Variants in GREM2 observed in about 807,000 individuals in gnomAD.
GREM2 encodes gremlin-2.
In GREM2, 11 loss-of-function variants were observed where a neutral mutation model predicts 14.2. The observed-to-expected ratio is 0.78, with a 90% CI of 0.49 to 1.28. GREM2 has a LOEUF of 1.28. GREM2 is among the 50% of genes most tolerant of loss of function. The pLI, the probability that GREM2 is intolerant of heterozygous loss-of-function variation, is 0.00. For missense variants in GREM2, 210 were observed against 218.5 expected (o/e 0.96, Z 0.24); for synonymous variants, 98 against 97.6 (o/e 1.00, Z -0.02).
At chr1:240,576,116 T>C (rs1357016274) in intron 1 of GREM2, among the ~76,000 whole-genome samples, 2 of 152,112 alleles carry the variant, frequency 1.3e-5, no homozygotes, top group African/African-American at 2.4e-5. Flanking sequence ...TTGTAGAAAA[T>C]GAATTCTCTG....
chr1:240,504,948 C>T (rs10465631), intron 1 of GREM2, among the ~76,000 whole-genome samples: 2,651 of 152,106 alleles, frequency 0.017, 74 homozygotes, highest in African/African-American at 0.06. Context: ...TCTATGTCCC[C>T]GCCCCAATCT....
chr1:240,546,505 C>T (rs114259714), intron 1 of GREM2, among the ~76,000 whole-genome samples: 3,290 of 152,256 alleles, frequency 0.022, 58 homozygotes, highest in Non-Finnish European at 0.029. Flanking sequence ...TCCTCAAGGG[C>T]AAGACTTTAT....
At chr1:240,594,494 C>T (rs1036532570) in intron 1 of GREM2, among the ~76,000 whole-genome samples, 4 of 152,146 alleles carry the variant, frequency 2.6e-5, no homozygotes, top group Non-Finnish European at 5.9e-5. Flanking sequence ...GACTGAGAAA[C>T]TCAACCATTT....
chr1:240,588,042 A>G (rs2102861706), intron 1 of GREM2, among the ~76,000 whole-genome samples: 1 of 152,290 alleles, frequency 6.6e-6, no homozygotes, highest in East Asian at 1.9e-4. Flanking sequence ...GGGAGCTGGA[A>G]GTGCCTGGGA....
chr1:240,501,655 C>T (rs1294994011), intron 1 of GREM2, among the ~76,000 whole-genome samples: 1 of 149,566 alleles, frequency 6.7e-6, no homozygotes, highest in Non-Finnish European at 1.5e-5. Context: ...TGGGCTGCTT[C>T]TCTCTAGGGT....
At chr1:240,600,164 G>A (rs1679894783) in intron 1 of GREM2, among the ~76,000 whole-genome samples, 1 of 152,166 alleles carries the variant, frequency 6.6e-6, no homozygotes, top group Admixed American at 6.5e-5. Context: ...TGACAACAAG[G>A]TAGTTTGCAG....
chr1:240,565,426 T>A (rs1408182340), intron 1 of GREM2, among the ~76,000 whole-genome samples: 1 of 152,182 alleles, frequency 6.6e-6, no homozygotes, highest in Non-Finnish European at 1.5e-5. Flanking sequence ...ATAATAATAT[T>A]TTACAAATGG....
intron 1 of GREM2, among the ~76,000 whole-genome samples, chr1:240,562,154 A>C (rs1191065985): frequency 2.0e-5 from 3 of 152,182 alleles, no homozygotes; most frequent in African/African-American, 4.8e-5. Flanking sequence ...TTCGGGATGA[A>C]GTGTGTGCTT....
In GREM2 at chr1:240,489,681, G is replaced by A. The variant is rs1195743285; in HGVS notation, c.*3288C>T. The A allele has an allele frequency of 1.3e-5, 2 of 152,174 alleles. No individual in the cohort carries two copies. Among genetic ancestry groups the A allele is most frequent in the Non-Finnish European group, 2.9e-5 (2 of 68,034 alleles). The allele number at this position is 152,174 out of a possible 1,614,324, so 9.4% of individuals were successfully genotyped here. A position where few individuals can be genotyped will look rare whatever the true frequency, so the allele number is the denominator to read the frequency against. On this transcript the variant is annotated 3_prime_UTR_variant, in exon 2 of 2. Coordinates refer to ENST00000318160, the MANE Select transcript of GREM2 (RefSeq NM_022469.4). ...GCATTATTGATGACTTGGTCTTATT[G>A]TTATCATTCATGCAGACATTAATAA...
chr1:240,522,647 ACT>A (rs1678126963), intron 1 of GREM2, among the ~76,000 whole-genome samples: 1 of 152,182 alleles, frequency 6.6e-6, no homozygotes, highest in African/African-American at 2.4e-5. Flanking sequence ...ACATTTGTTA[ACT>A]TTTAGTAATT....
intron 1 of GREM2, among the ~76,000 whole-genome samples, chr1:240,561,891 T>C (rs1034307876): frequency 1.3e-5 from 2 of 152,170 alleles, no homozygotes; most frequent in Non-Finnish European, 2.9e-5. Flanking sequence ...TTTCCAAAAT[T>C]ACAGAATCTT....
intron 1 of GREM2, among the ~76,000 whole-genome samples, chr1:240,527,822 A>G (rs1678258514): frequency 6.6e-6 from 1 of 152,188 alleles, no homozygotes; most frequent in South Asian, 2.1e-4. Context: ...ACTCAAATCC[A>G]AGTGTCGTAT....
At chr1:240,517,964 G>A (rs1349541449) in intron 1 of GREM2, among the ~76,000 whole-genome samples, 1 of 152,088 alleles carries the variant, frequency 6.6e-6, no homozygotes, top group Non-Finnish European at 1.5e-5. Context: ...TTATAGCTAG[G>A]AACACACATA....
chr1:240,521,353 G>C (rs573199829), intron 1 of GREM2, among the ~76,000 whole-genome samples: 3 of 152,230 alleles, frequency 2.0e-5, no homozygotes, highest in Admixed American at 2.0e-4. Context: ...CGGATCACGA[G>C]GTCAGGAGAT....
chr1:240,557,293 A>G (rs1050798718), intron 1 of GREM2, among the ~76,000 whole-genome samples: 36 of 152,156 alleles, frequency 2.4e-4, no homozygotes, highest in African/African-American at 8.7e-4. Flanking sequence ...TAAACAAAAT[A>G]ATTAAGGAAA....
intron 1 of GREM2, among the ~76,000 whole-genome samples, chr1:240,607,901 G>T (rs576104042): frequency 9.9e-5 from 15 of 152,242 alleles, no homozygotes; most frequent in Non-Finnish European, 1.8e-4. Flanking sequence ...AAGAATGTGT[G>T]AAATAAACAC....
intron 1 of GREM2, among the ~76,000 whole-genome samples, chr1:240,610,822 G>T (rs916516376): frequency 1.3e-5 from 2 of 152,130 alleles, no homozygotes; most frequent in Non-Finnish European, 2.9e-5. Context: ...CAGAAAAAGC[G>T]CTTTTCATAG....
chr1:240,563,394 A>G (rs1302031158), intron 1 of GREM2, among the ~76,000 whole-genome samples: 1 of 152,206 alleles, frequency 6.6e-6, no homozygotes, highest in African/African-American at 2.4e-5. Flanking sequence ...GTTACTGCGT[A>G]TGGAAGGGCA....
chr1:240,493,329 G>C lies in GREM2; in HGVS notation c.147C>G (p.Ile49Met). The C allele has an allele frequency of 1.2e-6, 2 of 1,614,100 alleles. No individual in the cohort carries two copies. Among genetic ancestry groups the C allele is most frequent in the Non-Finnish European group, 1.7e-6 (2 of 1,180,032 alleles). ...CCTGGCTGGAGGCCAGCACCTCCTTGATCTGGTGCTGCCATCTCTCCGAGT... is the reference window on the plus strand; with the variant it reads ...CCTGGCTGGAGGCCAGCACCTCCTTCATCTGGTGCTGCCATCTCTCCGAGT... ...SNNSERWQHQ[I>M]KEVLASSQEA... Residue 49 changes from isoleucine to methionine, a missense_variant, in exon 2 of 2, where the codon ATC becomes ATG. Coordinates refer to ENST00000318160, the MANE Select transcript of GREM2 (RefSeq NM_022469.4).
Sources: gnomAD v4.1 joint callset for allele counts (sites outside exome capture counted in the v4.1 genomes callset) on GRCh38, gnomAD v4.1.1 for gene constraint, MANE v1.5 for transcripts, NCBI Gene and HGNC (gene_info 2026-07-23, HGNC 2026-07-21) for gene names.